ANKRD16: variants seen among roughly 807,000 people sequenced by gnomAD.
ANKRD16 encodes the protein ankyrin repeat domain-containing protein 16.
A neutral mutation model predicts 37.9 loss-of-function variants in ANKRD16; 35 were observed. The ratio of observed to expected loss-of-function variants is 0.92; its 90% CI spans 0.71 to 1.23. ANKRD16 has a LOEUF of 1.23. Among genes scored for constraint, ANKRD16 ranks in the 50% most tolerant of loss-of-function variants. The probability of loss-of-function intolerance (pLI) is 0.00; values close to 1 mark genes in which losing one functional copy is unlikely to be tolerated. For missense variants in ANKRD16, 480 were observed against 469.9 expected, an observed-to-expected ratio of 1.02 and a Z score of -0.20; for synonymous variants, 206 against 197.2, an observed-to-expected ratio of 1.04 and a Z score of -0.37.
intron 3 of ANKRD16, 51 bp downstream of exon 3, chr10:5,885,672 T>G: frequency 6.2e-7 from 1 of 1,605,708 alleles, no homozygotes; most frequent in Non-Finnish European, 8.5e-7. Context: ...TGATATCAAC[T>G]CTTTGTCATA....
chr10:5,862,338 G>C lies in ANKRD16; in HGVS notation c.*387C>G, dbSNP rs187318065. On this transcript the variant is annotated 3_prime_UTR_variant, in exon 8 of 8. Coordinates refer to ENST00000380094, the MANE Select transcript of ANKRD16 (RefSeq NM_019046.3). The surrounding 1 kb of genome is among the most constrained non-coding windows in gnomAD (Gnocchi z 6.5). The stretch of plus-strand genomic sequence containing the variant: ...GTTTTTGTGTTTCTTTCTTTCTGTC[G>C]GTGGTTCCTGAGGGTTGTGACGATC... The C allele has an allele frequency of 4.7e-6, 2 of 426,184 alleles. No homozygotes were observed. The highest frequency in any genetic ancestry group is 9.2e-6 in the Non-Finnish European group (2 of 217,888). 26.4% of individuals were successfully genotyped at this position (426,184 alleles called of 1,614,324 possible).
rs1008566074 is a variant in ANKRD16 at position 5,868,681 on chromosome 10, C to G, written c.*34-5990G>C. Reference sequence around the variant, plus strand: ...CGGGTCCCCTTCCACGCTGTGGAAGCTTTGTTCTTTTGCTCTTCATAACAA... The same window carrying G: ...CGGGTCCCCTTCCACGCTGTGGAAGGTTTGTTCTTTTGCTCTTCATAACAA... On this transcript the variant is annotated intron_variant, in intron 7 of 7. Coordinates refer to ENST00000380094, the MANE Select transcript of ANKRD16 (RefSeq NM_019046.3). This position sits in a 1 kb window ranked among gnomAD's most constrained non-coding sequence, Gnocchi z 4.9. Among the ~76,000 whole-genome samples the G allele has an allele frequency of 1.2e-4, 19 of 152,192 alleles. No homozygotes were observed. Among genetic ancestry groups the G allele is most frequent in the Non-Finnish European group, 1.0e-4 (7 of 68,034 alleles).
In ANKRD16 at chr10:5,864,344, C is replaced by G. The variant is rs7098938; in HGVS notation, c.*34-1653G>C. On this transcript the variant is annotated intron_variant, in intron 7 of 7. Transcript: ENST00000380094. The surrounding 1 kb of genome is among the most constrained non-coding windows in gnomAD (Gnocchi z 4.4). ...CTCCAAGGGACCACAACCTCCCCCC[C>G]ACCCCTGCTATCGGTTATGTCCTTT... 1.6e-4 allele frequency among the ~76,000 whole-genome samples: 24 copies of G among 152,206 alleles called. No homozygotes were observed. Among genetic ancestry groups the G allele is most frequent in the Middle Eastern group, 3.4e-3 (1 of 294 alleles).
Position 5,870,053 on chromosome 10 carries a change from G to T in ANKRD16, c.*34-7362C>A, listed in dbSNP as rs764486192. Reference sequence around the variant, plus strand: ...ATTTTAACAAGACTCTAGTTGCTTCGTACAGACATTAGACTCATTCCTCCT... The same window carrying T: ...ATTTTAACAAGACTCTAGTTGCTTCTTACAGACATTAGACTCATTCCTCCT... On this transcript the variant is annotated intron_variant, in intron 7 of 7. Coordinates refer to ENST00000380094, the MANE Select transcript of ANKRD16 (RefSeq NM_019046.3). This position sits in a 1 kb window ranked among gnomAD's most constrained non-coding sequence, Gnocchi z 5.0. Among the ~76,000 whole-genome samples the T allele has an allele frequency of 2.0e-5, 3 of 151,874 alleles. No homozygotes were observed. Among genetic ancestry groups the T allele is most frequent in the Non-Finnish European group, 4.4e-5 (3 of 67,990 alleles).
chr10:5,872,116 T>C (rs1589015641), intron 7 of ANKRD16, among the ~76,000 whole-genome samples: 4 of 152,106 alleles, frequency 2.6e-5, no homozygotes, highest in African/African-American at 4.8e-5. Flanking sequence ...AGTAATACGA[T>C]GGAGCATAAG....
chr10:5,887,708 C>CCCCGCCCCCG (rs1433532977), intron 2 of ANKRD16, 139 bp downstream of exon 2: 1 of 194,012 alleles, frequency 5.2e-6, no homozygotes, highest in Non-Finnish European at 1.0e-5. Context: ...CCCTCCCCCC[C>CCCCGCCCCCG]AGATGTTCTT....
chr10:5,862,787 G>T lies in ANKRD16; in HGVS notation c.*34-96C>A. On this transcript the variant is annotated intron_variant, in intron 7 of 7. Coordinates refer to ENST00000380094, the MANE Select transcript of ANKRD16 (RefSeq NM_019046.3). The surrounding 1 kb of genome is among the most constrained non-coding windows in gnomAD (Gnocchi z 6.5). The stretch of plus-strand genomic sequence containing the variant: ...CACAAGGTCCCACAGCTGGACTCAG[G>T]GCTGCTGGCTACAGGGCCTGGCTCT... 1.2e-6 allele frequency: 1 copy of T among 805,732 alleles called. No homozygotes were observed. Among genetic ancestry groups the T allele is most frequent in the Non-Finnish European group, 1.8e-6 (1 of 549,430 alleles). 49.9% of individuals were successfully genotyped at this position (805,732 alleles called of 1,614,324 possible). A position where few individuals can be genotyped will look rare whatever the true frequency, so the allele number is the denominator to read the frequency against.
Position 5,889,193 on chromosome 10 carries a change from G to A in ANKRD16, c.162C>T (p.Ala54=), listed in dbSNP as rs1307537246. ...AARHGHRDVL[A]YLAEAWGMDI... ...CCATGCCCCAGGCCTCGGCCAGATA[G>A]GCCAGCACGTCCCGATGCCCGTGGC... is the stretch of plus-strand genomic sequence containing the variant. The change falls in exon 1 of 8, where the codon GCC becomes GCT. Residue 54 remains alanine, a synonymous_variant. Transcript: ENST00000380094. The A allele has an allele frequency of 4.4e-6, 7 of 1,597,328 alleles. No individual in the cohort carries two copies. Among genetic ancestry groups the A allele is most frequent in the Non-Finnish European group, 5.9e-6 (7 of 1,179,104 alleles).
chr10:5,875,843 A>G (rs1207087660), intron 7 of ANKRD16, among the ~76,000 whole-genome samples: 1 of 147,094 alleles, frequency 6.8e-6, no homozygotes. Flanking sequence ...CTCTCAAGTA[A>G]CTGGGATTAC....
At chr10:5,883,905 C>A in intron 4 of ANKRD16, 64 bp downstream of exon 4, 1 of 1,450,226 alleles carries the variant, frequency 6.9e-7, no homozygotes. Context: ...ATGTGCTCTG[C>A]TTAACCTGTG....
chr10:5,886,005 C>T (rs1232691372), intron 2 of ANKRD16, among the ~76,000 whole-genome samples: 1 of 152,234 alleles, frequency 6.6e-6, no homozygotes, highest in Non-Finnish European at 1.5e-5. Flanking sequence ...TCTTCACGTG[C>T]ACTTTCATGG....
intron 6 of ANKRD16, among the ~76,000 whole-genome samples, chr10:5,879,878 G>A (rs1057238974): frequency 6.6e-6 from 1 of 152,106 alleles, no homozygotes; most frequent in African/African-American, 2.4e-5. Flanking sequence ...TAACATTAAG[G>A]CTGGTCACAG....
At chr10:5,875,710 GTTC>G (rs1842171830) in intron 7 of ANKRD16, among the ~76,000 whole-genome samples, 1 of 112,774 alleles carries the variant, frequency 8.9e-6, no homozygotes, top group African/African-American at 3.3e-5. Flanking sequence ...TGCAATTAAT[GTTC>G]TTTTTTTTTT....
In ANKRD16 at chr10:5,878,547, C is replaced by A. The variant is rs757443451; in HGVS notation, c.929-260G>T. Among the ~76,000 whole-genome samples, 1 of 152,062 alleles carries A rather than the reference C, an allele frequency of 6.6e-6. No individual in the cohort carries two copies. Among genetic ancestry groups the A allele is most frequent in the Non-Finnish European group, 1.5e-5 (1 of 68,016 alleles). ...GGGCGTGGTGGCTCATGCCTGTAAT[C>A]CCAGCACTCTGGGAGGCTGAGGTAG... On this transcript the variant is annotated intron_variant, in intron 6 of 7. Coordinates refer to ENST00000380094, the MANE Select transcript of ANKRD16 (RefSeq NM_019046.3). The surrounding 1 kb of genome is among the most constrained non-coding windows in gnomAD (Gnocchi z 5.1).
chr10:5,889,114 T>TGGAGGCCGCCTCGTGC lies in ANKRD16; in HGVS notation c.225_240dup (p.Met81AlafsTer96), dbSNP rs1164853333. The TGGAGGCCGCCTCGTGC allele has an allele frequency of 6.3e-6, 10 of 1,594,118 alleles. No individual in the cohort carries two copies. The East Asian group carries it at 2.2e-4, about 36-fold the overall frequency. On this transcript the variant is annotated frameshift_variant, in exon 1 of 8. Coordinates refer to ENST00000380094, the MANE Select transcript of ANKRD16 (RefSeq NM_019046.3). LOFTEE classifies it high-confidence loss of function. ...TAGCGCACGCAGTCTCGGTGGCCCATGGAGGCCGCCTCGTGCAGAGGCCGC... is the reference window on the plus strand; with the variant it reads ...TAGCGCACGCAGTCTCGGTGGCCCATGGAGGCCGCCTCGTGCGGAGGCCGCCTCGTGCAGAGGCCGC...
In ANKRD16 at chr10:5,868,737, G is replaced by A. The variant is rs994452226; in HGVS notation, c.*34-6046C>T. ...GCTGCTACTCACTCTTTGGGCCCAC[G>A]CCACCCTTAAGAGCTGTAACATTCA... On this transcript the variant is annotated intron_variant, in intron 7 of 7. Transcript: ENST00000380094. The surrounding 1 kb of genome is among the most constrained non-coding windows in gnomAD (Gnocchi z 4.9). 4.6e-5 allele frequency among the ~76,000 whole-genome samples: 7 copies of A among 152,118 alleles called. No individual in the cohort carries two copies. Among genetic ancestry groups the A allele is most frequent in the Non-Finnish European group, 7.3e-5 (5 of 68,028 alleles).
intron 7 of ANKRD16, among the ~76,000 whole-genome samples, chr10:5,876,308 TA>T (rs1290260770): frequency 6.6e-6 from 1 of 152,218 alleles, no homozygotes; most frequent in African/African-American, 2.4e-5. Flanking sequence ...GACAACAGTG[TA>T]ACATGCTGTG....
Position 5,889,537 on chromosome 10 carries a change from A to C in ANKRD16, c.-183T>G. 4.2e-5 allele frequency: 12 copies of C among 285,452 alleles called. No individual in the cohort carries two copies. Among genetic ancestry groups the C allele is most frequent in the Non-Finnish European group, 5.9e-5 (10 of 168,974 alleles). 17.7% of individuals were successfully genotyped at this position (285,452 alleles called of 1,614,324 possible). Reference sequence around the variant, plus strand: ...GTCCCCGGCAGAGCCGCCTCCTCAAACCCCCGGCCTAGTCCGCAGGCGGGC... The same window carrying C: ...GTCCCCGGCAGAGCCGCCTCCTCAACCCCCCGGCCTAGTCCGCAGGCGGGC... On this transcript the variant is annotated 5_prime_UTR_variant, in exon 1 of 8. Transcript: ENST00000380094.
In ANKRD16 at chr10:5,866,029, G is replaced by A. The variant is rs867291483; in HGVS notation, c.*34-3338C>T. Among the ~76,000 whole-genome samples the A allele has an allele frequency of 3.3e-5, 5 of 152,172 alleles. No individual in the cohort carries two copies. Among genetic ancestry groups the A allele is most frequent in the South Asian group, 2.1e-4 (1 of 4,832 alleles). On this transcript the variant is annotated intron_variant, in intron 7 of 7. Transcript: ENST00000380094. This position sits in a 1 kb window ranked among gnomAD's most constrained non-coding sequence, Gnocchi z 4.3. ...TTTATGGGTAGTTGCAGCGGTGGCCGTCTCAGTGTTAGAGGCTATCAAAAT... is the reference window on the plus strand; with the variant it reads ...TTTATGGGTAGTTGCAGCGGTGGCCATCTCAGTGTTAGAGGCTATCAAAAT...
Sources: gnomAD v4.1 joint callset for allele counts (sites outside exome capture counted in the v4.1 genomes callset) on GRCh38, gnomAD v4.1.1 for gene constraint, Gnocchi (gnomAD v3.1) non-coding constraint, MANE v1.5 for transcripts, NCBI Gene and HGNC (gene_info 2026-07-23, HGNC 2026-07-21) for gene names.